The following MRPL27 variants were observed in gnomAD, a reference collection of about 807,000 sequenced individuals.
MRPL27 encodes the protein mitochondrial ribosomal protein L27, also known as large ribosomal subunit protein bL27m.
Under a neutral mutation model 14.6 loss-of-function variants are expected in MRPL27, and 4 were observed. That is an observed-to-expected ratio of 0.27 (90% CI 0.14 to 0.63). MRPL27 has a LOEUF of 0.63. Among genes scored for constraint, MRPL27 ranks in the 20% least tolerant of loss-of-function variants. The pLI, the probability that MRPL27 is intolerant of heterozygous loss-of-function variation, is 0.85. For synonymous variants in MRPL27, 82 were observed against 75.5 expected, an observed-to-expected ratio of 1.09 and a Z score of -0.45; for missense variants, 196 against 192.8, an observed-to-expected ratio of 1.02 and a Z score of -0.10.
At chr17:50,373,010 C>T (rs1913230578) in intron 1 of MRPL27, 121 bp downstream of exon 1, 1 of 1,403,848 alleles carries the variant, frequency 7.1e-7, no homozygotes, top group Admixed American at 2.0e-5. Flanking sequence ...CTGGAGTACC[C>T]CACACACTTC....
At chr17:50,372,776 C>T in intron 1 of MRPL27, 1 of 321,806 alleles carries the variant, frequency 3.1e-6, no homozygotes, top group African/African-American at 2.2e-5. Context: ...CCGTGTCTAG[C>T]ACAAAGTAAG....
intron 1 of MRPL27, 47 bp downstream of exon 1, chr17:50,373,079 GCTCCA>G: frequency 6.2e-7 from 1 of 1,611,674 alleles, no homozygotes; most frequent in South Asian, 1.1e-5. Flanking sequence ...CCCTGCTGGA[GCTCCA>G]CTCTGCCTCC....
intron 2 of MRPL27, 135 bp from the exon 3 acceptor site, chr17:50,370,234 G>A (rs1951199880): frequency 8.8e-6 from 10 of 1,139,326 alleles, no homozygotes; most frequent in East Asian, 2.4e-5. Flanking sequence ...CACAAGCAGC[G>A]CAGGATCTGC....
chr17:50,368,451 C>T (rs995472908), intron 3 of MRPL27, 153 bp from the exon 4 acceptor site: 30 of 720,390 alleles, frequency 4.2e-5, no homozygotes, highest in African/African-American at 3.0e-4. Flanking sequence ...CTGGCTAGCA[C>T]GTCCAAACCT....
chr17:50,368,940 G>A, intron 3 of MRPL27: 1 of 687,820 alleles, frequency 1.5e-6, no homozygotes, highest in Admixed American at 2.1e-5. Flanking sequence ...ATATTTTTTA[G>A]CTTTTTCTTT....
intron 1 of MRPL27, among the ~76,000 whole-genome samples, chr17:50,372,259 G>T (rs1381389216): frequency 6.6e-6 from 1 of 151,226 alleles, no homozygotes; most frequent in African/African-American, 2.4e-5. Context: ...TTTTTTTGGG[G>T]GGGGGGGATA....
chr17:50,369,910 A>C lies in MRPL27; in HGVS notation c.240+122T>G, dbSNP rs1342098705. On this transcript the variant is annotated intron_variant, in intron 3 of 3. Transcript: ENST00000225969. Reference sequence around the variant, plus strand: ...AGAAATGAGATCGTGTAGGCATGGGAATCAGCACAATGCTTGCCATTTGGT... The same window carrying C: ...AGAAATGAGATCGTGTAGGCATGGGCATCAGCACAATGCTTGCCATTTGGT... 2.8e-6 allele frequency: 3 copies of C among 1,079,578 alleles called. No homozygotes were observed. In the African/African-American group the frequency reaches 4.7e-5, roughly 17 times the overall value. The allele number at this position is 1,079,578 out of a possible 1,614,324, so 66.9% of individuals were successfully genotyped here.
Position 50,372,927 on chromosome 17 carries a change from G to A in MRPL27, c.40+204C>T, listed in dbSNP as rs965024380. 3.3e-5 allele frequency: 22 copies of A among 659,620 alleles called. No homozygotes were observed. The African/African-American group carries it at 3.5e-4, about 10-fold the overall frequency. The allele number at this position is 659,620 out of a possible 1,614,324, so 40.9% of individuals were successfully genotyped here. On this transcript the variant is annotated intron_variant, in intron 1 of 3. Transcript: ENST00000225969. ...TGCTGCTGAGGCAGGAGAAAGACAA[G>A]TGCTCTTCAAACGCCCTCACTCACG...
intron 3 of MRPL27, 194 bp downstream of exon 3, chr17:50,369,838 G>A (rs935214814): frequency 1.7e-5 from 12 of 701,572 alleles, no homozygotes; most frequent in African/African-American, 3.7e-5. Flanking sequence ...CTTCCACCCC[G>A]TCTAGGTCTC....
rs1423243046 is a variant in MRPL27, at chr17:50,373,184, C to T, written c.-14G>A. ...CACCGACGCCATGCTTTCGATCACTCACTTCCGGTCTCGAAAAGTTTCTAC... is the reference window on the plus strand; with the variant it reads ...CACCGACGCCATGCTTTCGATCACTTACTTCCGGTCTCGAAAAGTTTCTAC... On this transcript the variant is annotated 5_prime_UTR_variant, in exon 1 of 4. Coordinates refer to ENST00000225969, the MANE Select transcript of MRPL27 (RefSeq NM_016504.3). The T allele has an allele frequency of 3.5e-5, 57 of 1,614,172 alleles. No homozygotes were observed. Among genetic ancestry groups the T allele is most frequent in the Non-Finnish European group, 4.4e-5 (52 of 1,180,012 alleles).
chr17:50,372,897 G>T, intron 1 of MRPL27: 2 of 590,944 alleles, frequency 3.4e-6, no homozygotes, highest in South Asian at 4.2e-5. Context: ...CAAGGAACCC[G>T]TCCGTGCTGC....
intron 1 of MRPL27, 181 bp from the exon 2 acceptor site, chr17:50,370,767 TG>T: frequency 2.3e-6 from 1 of 439,032 alleles, no homozygotes; most frequent in South Asian, 3.1e-5. Flanking sequence ...TTTCTCCTTT[TG>T]GGGGAGGGGG....
In MRPL27 at chr17:50,370,435, A is replaced by G; in HGVS notation, c.172+20T>C. 1.2e-6 allele frequency: 2 copies of G among 1,614,052 alleles called. No homozygotes were observed. The highest frequency in any genetic ancestry group is 1.7e-6 in the Non-Finnish European group (2 of 1,179,992). ...AGGACAGGGTGCAGCTAGGAAGGGGAAGCCAAGGCACATCCTCACCTTCCA... is the reference window on the plus strand; with the variant it reads ...AGGACAGGGTGCAGCTAGGAAGGGGGAGCCAAGGCACATCCTCACCTTCCA... On this transcript the variant is annotated intron_variant, in intron 2 of 3. Transcript: ENST00000225969.
chr17:50,368,887 G>A (rs1329301280), intron 3 of MRPL27: 2 of 702,092 alleles, frequency 2.8e-6, no homozygotes, highest in South Asian at 3.0e-5. Context: ...TGTGAAATAT[G>A]AAGCAGAGAG....
rs541270815 is a variant in MRPL27 at position 50,372,900 on chromosome 17, C to G, written c.40+231G>C. ...ATCCCCAACCGCCAAGGAACCCGTCCGTGCTGCTGAGGCAGGAGAAAGACA... is the reference window on the plus strand; with the variant it reads ...ATCCCCAACCGCCAAGGAACCCGTCGGTGCTGCTGAGGCAGGAGAAAGACA... On this transcript the variant is annotated intron_variant, in intron 1 of 3. Coordinates refer to ENST00000225969, the MANE Select transcript of MRPL27 (RefSeq NM_016504.3). 1.3e-5 allele frequency: 8 copies of G among 594,636 alleles called. No homozygotes were observed. In the South Asian group the frequency reaches 1.4e-4, roughly 11 times the overall value. The allele number at this position is 594,636 out of a possible 1,614,324, so 36.8% of individuals were successfully genotyped here.
At chr17:50,372,976 G>A in intron 1 of MRPL27, 155 bp downstream of exon 1, 1 of 1,042,540 alleles carries the variant, frequency 9.6e-7, no homozygotes, top group East Asian at 2.6e-5. Flanking sequence ...TGTGTCACGT[G>A]ACCAGCGACA....
chr17:50,373,043 C>T (rs1383138118), intron 1 of MRPL27, 88 bp downstream of exon 1: 1 of 1,571,858 alleles, frequency 6.4e-7, no homozygotes, highest in Non-Finnish European at 8.7e-7. Context: ...AGGTCCTCCG[C>T]GGGGATCAGT....
Position 50,370,540 on chromosome 17 carries a change from T to C in MRPL27, c.87A>G (p.Arg29=). The C allele has an allele frequency of 4.3e-6, 7 of 1,614,206 alleles. No individual in the cohort carries two copies. In the South Asian group the frequency reaches 5.5e-5, roughly 13 times the overall value. ...SPTPATALAV[R]YASKKSGGSS... ...TACCACCCGACTTCTTGGATGCGTA[T>C]CTGACAGCAAGAGCTGTAGCCGGAG... The change falls in exon 2 of 4, where the codon AGA becomes AGG. Residue 29 remains arginine, a synonymous_variant. Coordinates refer to ENST00000225969, the MANE Select transcript of MRPL27 (RefSeq NM_016504.3).
intron 1 of MRPL27, chr17:50,372,918 G>A: frequency 1.6e-6 from 1 of 632,822 alleles, no homozygotes; most frequent in Non-Finnish European, 2.7e-6. Context: ...TGAGGCAGGA[G>A]AAAGACAAGT....
Sources: allele counts gnomAD v4.1 joint callset (sites outside exome capture counted in the v4.1 genomes callset), GRCh38; gene constraint gnomAD v4.1.1; transcripts MANE v1.5; gene names NCBI Gene and HGNC (gene_info 2026-07-23, HGNC 2026-07-21).